Variants in FBXL17 observed in about 807,000 individuals in gnomAD.
The protein encoded by FBXL17 is F-box and leucine rich repeat protein 17, also known as F-box/LRR-repeat protein 17.
A neutral mutation model predicts 66.2 loss-of-function variants in FBXL17; 22 were observed. The observed-to-expected ratio is 0.33, with a 90% CI of 0.24 to 0.47. The LOEUF (loss-of-function observed/expected upper bound fraction) is 0.47. Among genes scored for constraint, FBXL17 ranks in the 20% least tolerant of loss-of-function variants. The probability of loss-of-function intolerance (pLI) is 1.00; values close to 1 mark genes in which losing one functional copy is unlikely to be tolerated. For missense variants in FBXL17, 878 were observed against 948.2 expected (o/e 0.93, Z 0.97); for synonymous variants, 474 against 400.5 (o/e 1.18, Z -2.19).
chr5:107,964,851 T>C (rs1319022370), intron 7 of FBXL17, among the ~76,000 whole-genome samples: 2 of 152,114 alleles, frequency 1.3e-5, no homozygotes, highest in Non-Finnish European at 2.9e-5. Context: ...ACAATCCAAT[T>C]AGCACTTCAG....
At chr5:107,874,663 C>T (rs1024425525) in intron 8 of FBXL17, among the ~76,000 whole-genome samples, 5 of 152,126 alleles carry the variant, frequency 3.3e-5, no homozygotes, top group East Asian at 1.9e-4. Context: ...ATTTAAATAC[C>T]GGAAAGGACT....
intron 6 of FBXL17, among the ~76,000 whole-genome samples, chr5:108,113,384 T>C (rs1750115740): frequency 1.3e-5 from 2 of 152,178 alleles, no homozygotes; most frequent in Admixed American, 1.3e-4. Flanking sequence ...ATTATGTGTA[T>C]ATATTTAAAA....
chr5:108,364,993 G>T lies in FBXL17; in HGVS notation c.1119C>A (p.Val373=). The T allele has an allele frequency of 6.3e-7, 1 of 1,599,546 alleles. No individual in the cohort carries two copies. The highest frequency in any genetic ancestry group is 1.1e-5 in the South Asian group (1 of 89,420). ...CAATTTTTTCCAACAATTCATCAGT[G>T]ACCTGTAAGAGAAAAAGCAATAAAT... ...KQLDLSSRQQ[V]TDELLEKIAS... is the part of the protein sequence containing the mutation. Residue 373 remains valine (V), a splice_region_variant and synonymous_variant, in exon 3 of 9, where the codon GTC becomes GTA. Coordinates refer to ENST00000542267, the MANE Select transcript of FBXL17 (RefSeq NM_001163315.3).
At chr5:108,366,836 C>A (rs189548827) in intron 2 of FBXL17, among the ~76,000 whole-genome samples, 1 of 152,206 alleles carries the variant, frequency 6.6e-6, no homozygotes, top group African/African-American at 2.4e-5. Flanking sequence ...ATACACAAAT[C>A]CTCGTGAGCT....
At chr5:107,885,325 A>G (rs1748928058) in intron 7 of FBXL17, among the ~76,000 whole-genome samples, 1 of 152,216 alleles carries the variant, frequency 6.6e-6, no homozygotes, top group African/African-American at 2.4e-5. Flanking sequence ...AGTCATTCCC[A>G]TAGACATACA....
rs373695639 is a variant in FBXL17 at position 108,253,624 on chromosome 5, G to A, written c.1507-29396C>T. Among the ~76,000 whole-genome samples, 9 of 152,166 alleles carry A rather than the reference G, an allele frequency of 5.9e-5. No individual in the cohort carries two copies. The South Asian group carries it at 8.3e-4, about 14-fold the overall frequency. On this transcript the variant is annotated intron_variant, in intron 4 of 8. Coordinates refer to ENST00000542267, the MANE Select transcript of FBXL17 (RefSeq NM_001163315.3). Reference sequence around the variant, plus strand: ...CCATTCTCCTTGGTTCTAACATTCCGCATTAACCATCAGGGATAATTAGAA... The same window carrying A: ...CCATTCTCCTTGGTTCTAACATTCCACATTAACCATCAGGGATAATTAGAA...
chr5:108,054,440 C>T (rs992887605), intron 6 of FBXL17, among the ~76,000 whole-genome samples: 1 of 151,914 alleles, frequency 6.6e-6, no homozygotes, highest in Admixed American at 6.6e-5. Flanking sequence ...CCTGACTCCT[C>T]ACAGAGTTTC....
chr5:107,879,621 A>T lies in FBXL17; in HGVS notation c.1965+1416T>A, dbSNP rs1420546404. On this transcript the variant is annotated intron_variant, in intron 8 of 8. Coordinates refer to ENST00000542267, the MANE Select transcript of FBXL17 (RefSeq NM_001163315.3). Reference sequence around the variant, plus strand: ...TTAGCCAATTAACAAAAAATCACAAAGGACACAAGAGCTTTGGGCCATACT... The same window carrying T: ...TTAGCCAATTAACAAAAAATCACAATGGACACAAGAGCTTTGGGCCATACT... 4.1e-6 allele frequency: 4 copies of T among 985,376 alleles called. No individual in the cohort carries two copies. The African/African-American group carries it at 7.0e-5, about 17-fold the overall frequency. 61.0% of individuals were successfully genotyped at this position (985,376 alleles called of 1,614,324 possible). A position where few individuals can be genotyped will look rare whatever the true frequency, so the allele number is the denominator to read the frequency against.
intron 6 of FBXL17, among the ~76,000 whole-genome samples, chr5:108,113,353 T>C (rs530142481): frequency 6.6e-4 from 100 of 152,274 alleles, no homozygotes; most frequent in African/African-American, 1.9e-3. Flanking sequence ...GCAAGAGAGA[T>C]AGATGCTATG....
chr5:108,087,265 T>C (rs1749009887), intron 6 of FBXL17, among the ~76,000 whole-genome samples: 1 of 152,186 alleles, frequency 6.6e-6, no homozygotes, highest in Non-Finnish European at 1.5e-5. Flanking sequence ...TTCAACTCAA[T>C]TACTTGGAAG....
chr5:108,261,277 A>C (rs1756810103), intron 4 of FBXL17, among the ~76,000 whole-genome samples: 1 of 152,074 alleles, frequency 6.6e-6, no homozygotes, highest in Non-Finnish European at 1.5e-5. Context: ...GGAGGTTGAC[A>C]GACCAAAAAA....
chr5:108,023,322 C>T (rs1435774526), intron 6 of FBXL17, among the ~76,000 whole-genome samples: 1 of 151,952 alleles, frequency 6.6e-6, no homozygotes, highest in Non-Finnish European at 1.5e-5. Flanking sequence ...AAGAGAAACC[C>T]CAAATTCTGT....
chr5:108,301,783 T>C (rs1758600549), intron 4 of FBXL17, among the ~76,000 whole-genome samples: 1 of 151,564 alleles, frequency 6.6e-6, no homozygotes, highest in African/African-American at 2.4e-5. Context: ...CATCAAAAAT[T>C]TAGAATCCAA....
chr5:108,149,866 G>A (rs1751700168), intron 6 of FBXL17, among the ~76,000 whole-genome samples: 1 of 152,098 alleles, frequency 6.6e-6, no homozygotes, highest in Non-Finnish European at 1.5e-5. Context: ...ATGCATAAGA[G>A]AGCAAAAGCT....
At position 107,972,200 on chromosome 5, in the gene FBXL17, A is replaced by G. The variant is rs905172017; in HGVS notation, c.1822+48725T>C. On this transcript the variant is annotated intron_variant, in intron 7 of 8. Coordinates refer to ENST00000542267, the MANE Select transcript of FBXL17 (RefSeq NM_001163315.3). ...TGCTGAATAAATGAAAGAAAAGAAAAGAAAAGAGAAAACAAAAAGTGTACT... is the reference window on the plus strand; with the variant it reads ...TGCTGAATAAATGAAAGAAAAGAAAGGAAAAGAGAAAACAAAAAGTGTACT... Among the ~76,000 whole-genome samples, 11 of 152,382 alleles carry G rather than the reference A, an allele frequency of 7.2e-5. 1 individual carries two copies. The South Asian group carries it at 2.3e-3, about 32-fold the overall frequency.
intron 6 of FBXL17, among the ~76,000 whole-genome samples, chr5:108,058,421 T>C (rs200111091): frequency 0.079 from 2,517 of 31,810 alleles, 79 homozygotes; most frequent in African/African-American, 0.24. Context: ...TCTCTTTCTT[T>C]CTTCTTTCTT....
rs146245362 is a variant in FBXL17 at position 108,190,393 on chromosome 5, G to C, written c.1615-4146C>G. Reference sequence around the variant, plus strand: ...AGAAATAGAGAGAGACAGAGAGTCTGAGACAGAGACAGACAGAGATATCTA... The same window carrying C: ...AGAAATAGAGAGAGACAGAGAGTCTCAGACAGAGACAGACAGAGATATCTA... On this transcript the variant is annotated intron_variant, in intron 5 of 8. Coordinates refer to ENST00000542267, the MANE Select transcript of FBXL17 (RefSeq NM_001163315.3). Among the ~76,000 whole-genome samples the C allele has an allele frequency of 2.7e-3, 405 of 152,300 alleles. 4 individuals are homozygous for C. The highest frequency in any genetic ancestry group is 9.3e-3 in the African/African-American group (387 of 41,572).
At chr5:108,041,799 G>T (rs767345325) in intron 6 of FBXL17, among the ~76,000 whole-genome samples, 11 of 152,098 alleles carry the variant, frequency 7.2e-5, no homozygotes, top group Non-Finnish European at 1.3e-4. Context: ...CAAAAAAGTT[G>T]AAAGAATTTT....
intron 6 of FBXL17, among the ~76,000 whole-genome samples, chr5:108,051,469 A>G (rs1015467464): frequency 1.3e-5 from 2 of 152,186 alleles, no homozygotes; most frequent in Non-Finnish European, 2.9e-5. Context: ...ATCATCACCT[A>G]AACAGAACCA....
Sources: gnomAD v4.1 joint callset for allele counts (sites outside exome capture counted in the v4.1 genomes callset) on GRCh38, gnomAD v4.1.1 for gene constraint, MANE v1.5 for transcripts, NCBI Gene and HGNC (gene_info 2026-07-23, HGNC 2026-07-21) for gene names.